The following IKBIP variants were observed in gnomAD, a reference collection of about 807,000 sequenced individuals.
The protein encoded by IKBIP is IKBKB interacting protein.
IKBIP carries 28 observed loss-of-function variants against 31.0 expected under a neutral mutation model. The ratio of observed to expected loss-of-function variants is 0.90; its 90% CI spans 0.67 to 1.24. The LOEUF (loss-of-function observed/expected upper bound fraction) is 1.24. IKBIP is among the 50% of genes most tolerant of loss of function. IKBIP has a pLI of 0.00. For missense variants in IKBIP, 453 were observed against 441.9 expected, an observed-to-expected ratio of 1.03 and a Z score of -0.23; for synonymous variants, 164 against 160.3, an observed-to-expected ratio of 1.02 and a Z score of -0.17.
intron 1 of IKBIP, among the ~76,000 whole-genome samples, chr12:98,640,218 C>T (rs2097629203): frequency 6.6e-6 from 1 of 152,150 alleles, no homozygotes; most frequent in South Asian, 2.1e-4. Context: ...GGACAGATCA[C>T]CTGAGGTTGG....
chr12:98,616,968 A>G (rs2097606626), intron 2 of IKBIP, among the ~76,000 whole-genome samples: 2 of 152,124 alleles, frequency 1.3e-5, no homozygotes, highest in Admixed American at 1.3e-4. Context: ...TTCGGGGTCT[A>G]AGGCAACTGC....
intron 2 of IKBIP, among the ~76,000 whole-genome samples, chr12:98,628,399 T>C (rs2097616777): frequency 6.6e-6 from 1 of 152,248 alleles, no homozygotes; most frequent in Non-Finnish European, 1.5e-5. Flanking sequence ...TGGTACACTG[T>C]TACAAAACCT....
At chr12:98,627,817 A>G (rs569588834) in intron 2 of IKBIP, among the ~76,000 whole-genome samples, 3 of 152,364 alleles carry the variant, frequency 2.0e-5, no homozygotes, top group African/African-American at 2.4e-5. Flanking sequence ...CTAAAATCCT[A>G]TAATTCTGGA....
Position 98,627,921 on chromosome 12 carries a change from AAC to A in IKBIP, c.298-1157_298-1156del, listed in dbSNP as rs2097616384. On this transcript the variant is annotated intron_variant, in intron 2 of 2. Coordinates refer to ENST00000299157, the MANE Select transcript of IKBIP (RefSeq NM_153687.4). ...ATACAAAGGCAACAATGAATTAAAA[AAC>A]AGTTTAGTGAGACAAGTCAAATTGA... Among the ~76,000 whole-genome samples the A allele has an allele frequency of 2.6e-5, 4 of 152,368 alleles. No homozygotes were observed. The South Asian group carries it at 8.3e-4, about 32-fold the overall frequency.
chr12:98,634,527 G>T, intron 1 of IKBIP, 114 bp from the exon 2 acceptor site: 3 of 513,814 alleles, frequency 5.8e-6, no homozygotes, highest in Non-Finnish European at 3.4e-6. Flanking sequence ...GGTATGGGTA[G>T]CTGTAGGTTT....
downstream of IKBIP, among the ~76,000 whole-genome samples, chr12:98,623,764 T>C (rs2097611895): frequency 6.6e-6 from 1 of 150,812 alleles, no homozygotes; most frequent in African/African-American, 2.5e-5. Flanking sequence ...AAATGTGTTT[T>C]AGGATATTGG....
chr12:98,635,776 A>G (rs988711667), intron 1 of IKBIP, among the ~76,000 whole-genome samples: 5 of 152,242 alleles, frequency 3.3e-5, no homozygotes, highest in African/African-American at 1.2e-4. Context: ...AGAAGTTGCA[A>G]AATAGCAGGA....
At chr12:98,621,966 C>T (rs147350967), downstream of IKBIP, among the ~76,000 whole-genome samples, 6,590 of 151,780 alleles carry the variant, frequency 0.043, 192 homozygotes, top group Non-Finnish European at 0.069. Context: ...GTCTCAGCTA[C>T]TCGGGAGGCT....
chr12:98,624,742 A>G lies in IKBIP; in HGVS notation c.*1188T>C. 4 of 891,254 alleles carry G rather than the reference A, an allele frequency of 4.5e-6. No individual in the cohort carries two copies. Among genetic ancestry groups the G allele is most frequent in the Non-Finnish European group, 5.4e-6 (4 of 744,290 alleles). 55.2% of individuals were successfully genotyped at this position (891,254 alleles called of 1,614,324 possible). On this transcript the variant is annotated 3_prime_UTR_variant, in exon 3 of 3. Transcript: ENST00000299157. ...CGTATTTTTAACTATCATAGTTATT[A>G]TCATAATTAATTATCAGAGTTATGT...
In IKBIP at chr12:98,644,603, C is replaced by G; in HGVS notation, c.99G>C (p.Arg33=). 1 of 1,610,354 alleles carries G rather than the reference C, an allele frequency of 6.2e-7. No homozygotes were observed. The highest frequency in any genetic ancestry group is 8.5e-7 in the Non-Finnish European group (1 of 1,178,886). Residue 33 remains arginine, a synonymous_variant, in exon 1 of 3, where the codon CGG becomes CGC. Coordinates refer to ENST00000299157, the MANE Select transcript of IKBIP (RefSeq NM_153687.4). ...CTGCCCAGCCCCCGCCTCCGCTGCT[C>G]CGGGCCACGGGGGTCTTCCCGCCCT... ...RSEGGKTPVA[R]SSGGGGWADP...
Position 98,625,285 on chromosome 12 carries a change from G to GTT in IKBIP, c.*643_*644dup, listed in dbSNP as rs1474304118. 1.0e-6 allele frequency: 1 copy of GTT among 983,140 alleles called. No individual in the cohort carries two copies. Among genetic ancestry groups the GTT allele is most frequent in the Non-Finnish European group, 1.2e-6 (1 of 827,948 alleles). 60.9% of individuals were successfully genotyped at this position (983,140 alleles called of 1,614,324 possible). On this transcript the variant is annotated 3_prime_UTR_variant, in exon 3 of 3. Coordinates refer to ENST00000299157, the MANE Select transcript of IKBIP (RefSeq NM_153687.4). ...AAGTCTTACAAGTATCTGTAACACA[G>GTT]TTTAGAACCTTAACAAAAACTAAAA... is the stretch of plus-strand genomic sequence containing the variant.
Position 98,626,377 on chromosome 12 carries a change from C to T in IKBIP, c.687G>A (p.Glu229=). 1 of 1,613,936 alleles carries T rather than the reference C, an allele frequency of 6.2e-7. No homozygotes were observed. Among genetic ancestry groups the T allele is most frequent in the South Asian group, 1.1e-5 (1 of 91,084 alleles). Residue 229 remains glutamate, a synonymous_variant, in exon 3 of 3, where the codon GAG becomes GAA. Transcript: ENST00000299157. ...QEEEDLLRVE[E]QLGSDTKAIE... ...TTGCCTTTGTATCAGAGCCTAGCTG[C>T]TCCTCTACTCGCAGGAGATCTTCTT...
chr12:98,634,195 G>T, intron 2 of IKBIP, 101 bp downstream of exon 2: 1 of 668,258 alleles, frequency 1.5e-6, no homozygotes, highest in Non-Finnish European at 2.7e-6. Flanking sequence ...AATAGTGATG[G>T]TCTAAAAGGC....
intron 1 of IKBIP, among the ~76,000 whole-genome samples, chr12:98,640,734 C>T (rs1035742533): frequency 1.3e-5 from 2 of 151,824 alleles, no homozygotes; most frequent in Non-Finnish European, 2.9e-5. Flanking sequence ...AACTTATCTC[C>T]AGTGTTTATT....
intron 2 of IKBIP, among the ~76,000 whole-genome samples, chr12:98,632,366 T>C (rs957856838): frequency 2.3e-4 from 34 of 148,650 alleles, no homozygotes; most frequent in Non-Finnish European, 7.4e-5. Flanking sequence ...TCCCAGTTAC[T>C]TGGGAGGCTG....
intron 2 of IKBIP, among the ~76,000 whole-genome samples, chr12:98,631,150 T>C (rs1470019142): frequency 1.3e-5 from 2 of 152,052 alleles, no homozygotes; most frequent in Non-Finnish European, 2.9e-5. Flanking sequence ...GTCAGGCTGG[T>C]CCTGAACTTC....
chr12:98,618,125 T>C (rs58703913), intron 2 of IKBIP, among the ~76,000 whole-genome samples: 79,316 of 151,908 alleles, frequency 0.52, 21,307 homozygotes, highest in African/African-American at 0.66. Flanking sequence ...GCTATGATTG[T>C]GCCTATGAAT....
chr12:98,623,855 G>T (rs1009345997), downstream of IKBIP, among the ~76,000 whole-genome samples: 8 of 151,064 alleles, frequency 5.3e-5, 2 homozygotes, highest in African/African-American at 2.0e-4. Flanking sequence ...AAGCATCTGT[G>T]TTAAATAAAT....
intron 1 of IKBIP, among the ~76,000 whole-genome samples, chr12:98,635,544 A>G (rs989882309): frequency 6.6e-6 from 1 of 152,234 alleles, no homozygotes; most frequent in African/African-American, 2.4e-5. Flanking sequence ...ATGCATGCAC[A>G]AGAAATATTT....
Sources: gnomAD v4.1 joint callset for allele counts (sites outside exome capture counted in the v4.1 genomes callset) on GRCh38, gnomAD v4.1.1 for gene constraint, MANE v1.5 for transcripts, NCBI Gene and HGNC (gene_info 2026-07-23, HGNC 2026-07-21) for gene names.